HSD3B1: variants seen among roughly 807,000 people sequenced by gnomAD.
HSD3B1 encodes 3 beta-hydroxysteroid dehydrogenase/Delta 5-->4-isomerase type 1.
HSD3B1 carries 11 observed loss-of-function variants against 10.4 expected under a neutral mutation model. The ratio of observed to expected loss-of-function variants is 1.05; its 90% CI spans 0.66 to 1.75. HSD3B1 has a LOEUF of 1.75. Among genes scored for constraint, HSD3B1 ranks in the 40% most tolerant of loss-of-function variants. HSD3B1 has a pLI of 0.00. For synonymous variants in HSD3B1, 217 were observed against 185.4 expected (o/e 1.17, Z -1.39); for missense variants, 490 against 454.5 (o/e 1.08, Z -0.71).
At chr1:119,512,310 C>T (rs1446322126) in intron 3 of HSD3B1, among the ~76,000 whole-genome samples, 1 of 152,204 alleles carries the variant, frequency 6.6e-6, no homozygotes, top group East Asian at 1.9e-4. Context: ...TATTCCAGAG[C>T]CGTTTTCAGC....
rs184440605 is a variant in HSD3B1, at chr1:119,511,198, A to G, written c.146-305A>G. ...TCTCTACAATCACACTACTCTCCTT[A>G]GAAAATTTGATGGGCTTCCCATGAC... On this transcript the variant is annotated intron_variant, in intron 2 of 3. Transcript: ENST00000369413. Among the ~76,000 whole-genome samples the G allele has an allele frequency of 2.0e-5, 3 of 152,352 alleles. No homozygotes were observed. The East Asian group carries it at 5.8e-4, about 29-fold the overall frequency.
Position 119,514,904 on chromosome 1 carries a change from T to C in HSD3B1, c.*259T>C, listed in dbSNP as rs1654065348. The C allele has an allele frequency of 5.8e-6, 3 of 516,812 alleles. No homozygotes were observed. Among genetic ancestry groups the C allele is most frequent in the African/African-American group, 1.9e-5 (1 of 52,466 alleles). The allele number at this position is 516,812 out of a possible 1,614,324, so 32.0% of individuals were successfully genotyped here. The stretch of plus-strand genomic sequence containing the variant: ...GTTACCAAATCTCAGTAGCTGATTC[T>C]GAACAATTTAGGGACTCTTTTAACT... On this transcript the variant is annotated 3_prime_UTR_variant, in exon 4 of 4. Transcript: ENST00000369413.
Position 119,513,833 on chromosome 1 carries a change from G to T in HSD3B1, c.311-1G>T. The T allele has an allele frequency of 6.2e-7, 1 of 1,613,484 alleles. No homozygotes were observed. Among genetic ancestry groups the T allele is most frequent in the Non-Finnish European group, 8.5e-7 (1 of 1,179,632 alleles). ...AGTGACAATATGCTCTTCATGGACA[G>T]GTACCCAGCTCCTGTTAGAGGCCTG... is the stretch of plus-strand genomic sequence containing the variant. On this transcript the variant is annotated splice_acceptor_variant, in intron 3 of 3. Transcript: ENST00000369413. LOFTEE classifies it high-confidence loss of function.
At chr1:119,507,864 G>A in intron 2 of HSD3B1, 1 of 419,568 alleles carries the variant, frequency 2.4e-6, no homozygotes, top group Non-Finnish European at 4.4e-6. Context: ...AGCCACCTCA[G>A]CCTCCAGGCC....
At chr1:119,509,097 G>C (rs1397929323) in intron 2 of HSD3B1, among the ~76,000 whole-genome samples, 1 of 152,186 alleles carries the variant, frequency 6.6e-6, no homozygotes, top group African/African-American at 2.4e-5. Flanking sequence ...CTTGGCCAAA[G>C]GTTTGCCAAC....
intron 3 of HSD3B1, among the ~76,000 whole-genome samples, chr1:119,512,197 C>G (rs1255378013): frequency 1.3e-5 from 2 of 152,154 alleles, no homozygotes; most frequent in African/African-American, 4.8e-5. Flanking sequence ...CAAGGTCTGT[C>G]AGGACAGAAT....
rs1397882976 is a variant in HSD3B1 at position 119,513,851 on chromosome 1, G to A, written c.328G>A (p.Glu110Lys). Residue 110 changes from glutamate to lysine, a missense_variant, in exon 4 of 4, where the codon GAG becomes AAG. Transcript: ENST00000369413. ...ATGGACAGGTACCCAGCTCCTGTTAGAGGCCTGTGTCCAAGCTAGTGTGCC... is the reference window on the plus strand; with the variant it reads ...ATGGACAGGTACCCAGCTCCTGTTAAAGGCCTGTGTCCAAGCTAGTGTGCC... The part of the protein sequence containing the change: ...VNVKGTQLLL[E>K]ACVQASVPVF... The A allele has an allele frequency of 6.2e-6, 10 of 1,613,856 alleles. No homozygotes were observed. Among genetic ancestry groups the A allele is most frequent in the African/African-American group, 1.3e-5 (1 of 75,000 alleles).
intron 2 of HSD3B1, 78 bp from the exon 3 acceptor site, chr1:119,511,425 A>G (rs762484616): frequency 1.9e-5 from 27 of 1,437,298 alleles, no homozygotes; most frequent in Middle Eastern, 3.5e-4. Context: ...TTGAACACCT[A>G]TGTAACATCA....
chr1:119,508,171 G>A (rs1446833640), intron 2 of HSD3B1: 1 of 155,060 alleles, frequency 6.4e-6, no homozygotes. Context: ...AGAGAGAGTC[G>A]GGGAGAGAGA....
At chr1:119,511,764 T>A in intron 3 of HSD3B1, 97 bp downstream of exon 3, 1 of 1,216,886 alleles carries the variant, frequency 8.2e-7, no homozygotes, top group Non-Finnish European at 1.2e-6. Flanking sequence ...GAACACCTGC[T>A]GTGCTCTGGG....
chr1:119,514,411 C>T lies in HSD3B1; in HGVS notation c.888C>T (p.Phe296=), dbSNP rs756111150. 1 of 1,614,158 alleles carries T rather than the reference C, an allele frequency of 6.2e-7. No homozygotes were observed. The highest frequency in any genetic ancestry group is 1.1e-5 in the South Asian group (1 of 91,084). The change falls in exon 4 of 4, where the codon TTC becomes TTT. Residue 296 remains phenylalanine, a synonymous_variant. Coordinates refer to ENST00000369413, the MANE Select transcript of HSD3B1 (RefSeq NM_000862.3). ...FPLSLMYWIG[F]LLEIVSFLLR... ...TATCCCTGATGTATTGGATTGGCTT[C>T]CTGCTGGAAATAGTGAGCTTCCTAC... is the stretch of plus-strand genomic sequence containing the variant.
At chr1:119,511,696 A>T in intron 3 of HSD3B1, 29 bp downstream of exon 3, 2 of 1,606,110 alleles carry the variant, frequency 1.2e-6, no homozygotes, top group Non-Finnish European at 1.7e-6. Flanking sequence ...GAGATGCAGC[A>T]AGGTGGGGAA....
In HSD3B1 at chr1:119,513,866, G is replaced by A; in HGVS notation, c.343G>A (p.Ala115Thr). The A allele has an allele frequency of 6.2e-7, 1 of 1,613,934 alleles. No individual in the cohort carries two copies. The highest frequency in any genetic ancestry group is 8.5e-7 in the Non-Finnish European group (1 of 1,179,892). Residue 115 changes from alanine to threonine, a missense_variant, in exon 4 of 4, where the codon GCT becomes ACT. Coordinates refer to ENST00000369413, the MANE Select transcript of HSD3B1 (RefSeq NM_000862.3). ...TQLLLEACVQASVPVFIYTSS... is the reference protein window; with the variant it reads ...TQLLLEACVQTSVPVFIYTSS... ...GCTCCTGTTAGAGGCCTGTGTCCAA[G>A]CTAGTGTGCCAGTCTTCATCTACAC...
At chr1:119,509,098 G>T (rs997333364) in intron 2 of HSD3B1, among the ~76,000 whole-genome samples, 1 of 152,174 alleles carries the variant, frequency 6.6e-6, no homozygotes, top group African/African-American at 2.4e-5. Context: ...TTGGCCAAAG[G>T]TTTGCCAACT....
At position 119,514,807 on chromosome 1, in the gene HSD3B1, T is replaced by A. The variant is rs910490951; in HGVS notation, c.*162T>A. ...TTGTATTCCTCATGTCATCAAAACCTGCGCAGTCATTGGCCCAACAAGAAG... is the reference window on the plus strand; with the variant it reads ...TTGTATTCCTCATGTCATCAAAACCAGCGCAGTCATTGGCCCAACAAGAAG... On this transcript the variant is annotated 3_prime_UTR_variant, in exon 4 of 4. Transcript: ENST00000369413. The A allele has an allele frequency of 2.6e-6, 2 of 758,178 alleles. No homozygotes were observed. Among genetic ancestry groups the A allele is most frequent in the African/African-American group, 3.5e-5 (2 of 57,476 alleles). The allele number at this position is 758,178 out of a possible 1,614,324, so 47.0% of individuals were successfully genotyped here.
chr1:119,511,948 T>C, intron 3 of HSD3B1: 1 of 379,334 alleles, frequency 2.6e-6, no homozygotes, highest in Non-Finnish European at 4.9e-6. Context: ...CTCCAAAGGC[T>C]CTTTCTACTG....
rs1653952946 is a variant in HSD3B1, at chr1:119,512,096, A to T, written c.310+429A>T. The T allele has an allele frequency of 1.4e-5, 3 of 215,924 alleles. No individual in the cohort carries two copies. In the Admixed American group the frequency reaches 1.5e-4, roughly 11 times the overall value. The allele number at this position is 215,924 out of a possible 1,614,324, so 13.4% of individuals were successfully genotyped here. ...AGGTGCCACTGTAGTCACCATTTTG[A>T]ACCTTGTGTGTAGGCTGATGAAAAC... On this transcript the variant is annotated intron_variant, in intron 3 of 3. Transcript: ENST00000369413.
intron 3 of HSD3B1, 71 bp from the exon 4 acceptor site, chr1:119,513,763 T>G: frequency 5.6e-6 from 8 of 1,430,792 alleles, no homozygotes; most frequent in Non-Finnish European, 7.8e-6. Flanking sequence ...GTGGGGCACA[T>G]AGATCTGTGT....
chr1:119,510,712 G>GCTTTC (rs1653907366), intron 2 of HSD3B1, among the ~76,000 whole-genome samples: 2 of 39,060 alleles, frequency 5.1e-5, no homozygotes, highest in African/African-American at 5.9e-5. Flanking sequence ...TGCTTGTGTG[G>GCTTTC]TTTTCTTTTT....
Sources: gnomAD v4.1 joint callset for allele counts (sites outside exome capture counted in the v4.1 genomes callset) on GRCh38, gnomAD v4.1.1 for gene constraint, MANE v1.5 for transcripts, NCBI Gene and HGNC (gene_info 2026-07-23, HGNC 2026-07-21) for gene names.